CDH13: variants seen among roughly 807,000 people sequenced by gnomAD.
CDH13 encodes the protein cadherin-13.
In CDH13, 24 loss-of-function variants were observed where a neutral mutation model predicts 63.8. The ratio of observed to expected loss-of-function variants is 0.38; its 90% confidence interval spans 0.27 to 0.53. The LOEUF (loss-of-function observed/expected upper bound fraction) is 0.53. Among genes scored for constraint, CDH13 ranks in the 20% least tolerant of loss-of-function variants. The probability of loss-of-function intolerance (pLI) is 0.85; values close to 1 mark genes in which losing one functional copy is unlikely to be tolerated. For synonymous variants in CDH13, 503 were observed against 355.3 expected (o/e 1.42, Z -4.67); for missense variants, 1,049 against 903.1 (o/e 1.16, Z -2.07).
chr16:83,161,175 T>C (rs1169030711), intron 4 of CDH13, among the ~76,000 whole-genome samples: 1 of 152,182 alleles, frequency 6.6e-6, no homozygotes, highest in East Asian at 1.9e-4. Flanking sequence ...CCACTATACA[T>C]TCTAGAACAA....
At chr16:83,211,727 G>A (rs1262203124) in intron 4 of CDH13, among the ~76,000 whole-genome samples, 1 of 151,716 alleles carries the variant, frequency 6.6e-6, no homozygotes, top group Non-Finnish European at 1.5e-5. Flanking sequence ...GGATGCAGAA[G>A]ACACTGGTCC....
At chr16:82,735,264 G>T (rs575306574) in intron 1 of CDH13, among the ~76,000 whole-genome samples, 1 of 152,194 alleles carries the variant, frequency 6.6e-6, no homozygotes, top group East Asian at 1.9e-4. Context: ...TTTCCAGGGT[G>T]TACAGAAGGA....
intron 1 of CDH13, among the ~76,000 whole-genome samples, chr16:82,653,730 AGGG>A (rs1409942180): frequency 6.6e-6 from 1 of 152,116 alleles, no homozygotes; most frequent in Non-Finnish European, 1.5e-5. Flanking sequence ...CGCAGGAACT[AGGG>A]GGGATTTTTC....
intron 6 of CDH13, among the ~76,000 whole-genome samples, chr16:83,372,357 G>A (rs2091382898): frequency 6.6e-6 from 1 of 152,162 alleles, no homozygotes; most frequent in African/African-American, 2.4e-5. Context: ...CTAACTTCAT[G>A]TGTCATGGTA....
chr16:83,310,589 G>T (rs755536836), intron 5 of CDH13, among the ~76,000 whole-genome samples: 7 of 152,248 alleles, frequency 4.6e-5, no homozygotes, highest in African/African-American at 1.7e-4. Context: ...TCCTTCACAC[G>T]TACCTGGCCA....
chr16:83,475,309 G>A (rs904768580), intron 6 of CDH13, among the ~76,000 whole-genome samples: 1 of 152,186 alleles, frequency 6.6e-6, no homozygotes, highest in African/African-American at 2.4e-5. Context: ...GTTTCTGACT[G>A]AAGCGTTCAA....
intron 2 of CDH13, among the ~76,000 whole-genome samples, chr16:83,009,300 A>T (rs1913875182): frequency 6.6e-6 from 1 of 152,228 alleles, no homozygotes; most frequent in Non-Finnish European, 1.5e-5. Context: ...CTCTTGATTT[A>T]AGCAGAGTGG....
At chr16:82,922,484 AC>A (rs1000253771) in intron 2 of CDH13, among the ~76,000 whole-genome samples, 1 of 152,182 alleles carries the variant, frequency 6.6e-6, no homozygotes, top group African/African-American at 2.4e-5. Flanking sequence ...ATCCTAGAAC[AC>A]AGACTCTAGA....
intron 1 of CDH13, among the ~76,000 whole-genome samples, chr16:82,686,248 G>T (rs1915058736): frequency 6.6e-6 from 1 of 152,170 alleles, no homozygotes; most frequent in African/African-American, 2.4e-5. Flanking sequence ...AGTAAATCAG[G>T]ACTTTCCTGT....
chr16:82,793,286 G>T (rs757502627), intron 1 of CDH13, among the ~76,000 whole-genome samples: 6 of 152,066 alleles, frequency 3.9e-5, no homozygotes, highest in African/African-American at 7.3e-5. Context: ...GGATCTGAGC[G>T]AGATGGGGAG....
At chr16:82,844,688 G>A (rs1222331955) in intron 1 of CDH13, 1 of 141,004 alleles carries the variant, frequency 7.1e-6, no homozygotes. Context: ...CACCCAGGCT[G>A]GAGTGCGGTG....
intron 11 of CDH13, among the ~76,000 whole-genome samples, chr16:83,755,499 A>G (rs3096240): frequency 0.81 from 121,725 of 149,892 alleles, 49,179 homozygotes; most frequent in African/African-American, 0.92. Context: ...ACACACCTCA[A>G]ACACTGAAAT....
At chr16:83,052,801 A>AAAAAAAAAAAAAAAAAAAAAG (rs1555571697) in intron 3 of CDH13, among the ~76,000 whole-genome samples, 1 of 122,674 alleles carries the variant, frequency 8.2e-6, no homozygotes, top group African/African-American at 3.3e-5. Flanking sequence ...AAAAAAAAAA[A>AAAAAAAAAAAAAAAAAAAAAG]AAAGAAAGAA....
chr16:83,179,067 G>A (rs2038242692), intron 4 of CDH13, among the ~76,000 whole-genome samples: 1 of 152,106 alleles, frequency 6.6e-6, no homozygotes, highest in African/African-American at 2.4e-5. Flanking sequence ...CCACCCTATT[G>A]GCAATTATGG....
At position 83,389,507 on chromosome 16, in the gene CDH13, G is replaced by GT. The variant is rs140502683; in HGVS notation, c.781+44507dup. On this transcript the variant is annotated intron_variant, in intron 6 of 13. Transcript: ENST00000567109. Reference sequence around the variant, plus strand: ...TGGATCTGGTTATTCCATCCTTTATGTTTTTTATAAACAAGCACATTCTTC... The same window carrying GT: ...TGGATCTGGTTATTCCATCCTTTATGTTTTTTTATAAACAAGCACATTCTTC... 1.1e-3 allele frequency among the ~76,000 whole-genome samples: 174 copies of GT among 152,208 alleles called. No homozygotes were observed. In the Middle Eastern group the frequency reaches 0.014, roughly 12 times the overall value.
intron 7 of CDH13, among the ~76,000 whole-genome samples, chr16:83,506,128 A>G (rs151064890): frequency 2.0e-5 from 3 of 152,208 alleles, no homozygotes; most frequent in African/African-American, 7.2e-5. Flanking sequence ...TTCCAGTCCA[A>G]GGGAGACCAT....
At chr16:83,458,179 T>C (rs2073075048) in intron 6 of CDH13, among the ~76,000 whole-genome samples, 1 of 152,210 alleles carries the variant, frequency 6.6e-6, no homozygotes, top group African/African-American at 2.4e-5. Flanking sequence ...TCCTGCTGGA[T>C]CCAGGATCCC....
chr16:82,790,016 C>T (rs966531925), intron 1 of CDH13, among the ~76,000 whole-genome samples: 5 of 152,160 alleles, frequency 3.3e-5, no homozygotes, highest in Non-Finnish European at 7.3e-5. Context: ...CTCACTATGA[C>T]ATGAAGGACT....
In CDH13 at chr16:83,468,863, C is replaced by A. The variant is rs1323417572; in HGVS notation, c.782-17614C>A. 2.0e-5 allele frequency among the ~76,000 whole-genome samples: 3 copies of A among 152,314 alleles called. No homozygotes were observed. The East Asian group carries it at 5.8e-4, about 29-fold the overall frequency. ...TGGTTTGCTGAACCTATCAACCCAT[C>A]ACCTAGGCATTAAGCCCTGCACGCA... is the stretch of plus-strand genomic sequence containing the variant. On this transcript the variant is annotated intron_variant, in intron 6 of 13. Coordinates refer to ENST00000567109, the MANE Select transcript of CDH13 (RefSeq NM_001257.5).
Sources: gnomAD v4.1 joint callset for allele counts (sites outside exome capture counted in the v4.1 genomes callset) on GRCh38, gnomAD v4.1.1 for gene constraint, MANE v1.5 for transcripts, NCBI Gene and HGNC (gene_info 2026-07-23, HGNC 2026-07-21) for gene names.